FCHO1: variants seen among roughly 807,000 people sequenced by gnomAD.
The protein encoded by FCHO1 is F-BAR domain only protein 1.
In FCHO1, 45 loss-of-function variants were observed where a neutral mutation model predicts 114.4. The observed-to-expected ratio is 0.39, with a 90% CI of 0.31 to 0.50. The LOEUF (loss-of-function observed/expected upper bound fraction) is 0.50, where lower values mean the gene tolerates loss of function less well. Ranked by LOEUF, FCHO1 falls within the 20% of genes least tolerant of loss-of-function variation. The pLI is 0.77. For missense variants in FCHO1, 1,042 were observed against 1,209.6 expected, an observed-to-expected ratio of 0.86 and a Z score of 2.06; for synonymous variants, 480 against 488.9, an observed-to-expected ratio of 0.98 and a Z score of 0.24.
chr19:17,788,256 C>CCCA, intron 28 of FCHO1, 28 bp from the exon 29 acceptor site: 1 of 1,455,294 alleles, frequency 6.9e-7, no homozygotes, highest in Non-Finnish European at 9.6e-7. Flanking sequence ...CCTCCCCACC[C>CCCA]CTCCCCCTCA....
chr19:17,787,762 G>C lies in FCHO1; in HGVS notation c.2563G>C (p.Glu855Gln), dbSNP rs1299207572. The change falls in exon 28 of 29, where the codon GAG (glutamate) becomes CAG (glutamine). Residue 855 changes from glutamate (E) to glutamine (Q), a missense_variant. Transcript: ENST00000596536. ...CCCCGTGGCTGCACAGTTCACCAGC[G>C]AGGGGACCACTCTGTCGGGCGTGGA... ...PSPVAAQFTS[E>Q]GTTLSGVDLE... 1 of 1,609,160 alleles carries C rather than the reference G, an allele frequency of 6.2e-7. No homozygotes were observed. Among genetic ancestry groups the C allele is most frequent in the Non-Finnish European group, 8.5e-7 (1 of 1,178,546 alleles).
chr19:17,756,429 A>G (rs535745138), intron 4 of FCHO1, among the ~76,000 whole-genome samples: 17 of 152,320 alleles, frequency 1.1e-4, no homozygotes, highest in African/African-American at 3.6e-4. Context: ...TAATTGTGTG[A>G]GGCGTGCAGG....
At chr19:17,767,197 C>A (rs10422980) in intron 7 of FCHO1, among the ~76,000 whole-genome samples, 25,206 of 151,752 alleles carry the variant, frequency 0.17, 2,239 homozygotes, top group African/African-American at 0.18. Flanking sequence ...CCTCCTGCCT[C>A]AGCCCCCACA....
At chr19:17,773,677 A>G (rs2092116278) in intron 11 of FCHO1, among the ~76,000 whole-genome samples, 1 of 152,158 alleles carries the variant, frequency 6.6e-6, no homozygotes, top group South Asian at 2.1e-4. Flanking sequence ...AAATGCTGGA[A>G]GTATGTAGAA....
At chr19:17,752,715 A>G (rs1409262447) in intron 1 of FCHO1, among the ~76,000 whole-genome samples, 1 of 147,738 alleles carries the variant, frequency 6.8e-6, no homozygotes, top group Non-Finnish European at 1.5e-5. Context: ...CCTGGGCCAC[A>G]CTAGTGAGAC....
intron 27 of FCHO1, 37 bp downstream of exon 27, chr19:17,786,666 G>GCA: frequency 4.0e-6 from 2 of 496,996 alleles, no homozygotes; most frequent in Non-Finnish European, 8.2e-6. Flanking sequence ...GGGTGGGAGG[G>GCA]ACTGGGGTCA....
intron 24 of FCHO1, 127 bp from the exon 25 acceptor site, chr19:17,783,976 C>A: frequency 2.5e-6 from 3 of 1,184,468 alleles, no homozygotes; most frequent in Non-Finnish European, 2.4e-6. Flanking sequence ...CACAACCACC[C>A]AGGTAGGGCT....
intron 23 of FCHO1, among the ~76,000 whole-genome samples, chr19:17,782,185 G>A (rs2093484082): frequency 2.0e-5 from 3 of 151,808 alleles, no homozygotes; most frequent in South Asian, 4.2e-4. Context: ...AAATTATTGT[G>A]CTTTTTGTTT....
chr19:17,774,956 C>G, intron 13 of FCHO1, 100 bp from the exon 14 acceptor site: 4 of 1,351,588 alleles, frequency 3.0e-6, no homozygotes, highest in Non-Finnish European at 4.2e-6. Flanking sequence ...GTATCACAGT[C>G]TGGGAGCTGC....
intron 7 of FCHO1, among the ~76,000 whole-genome samples, chr19:17,769,605 ACACAC>A (rs1322214966): frequency 6.8e-6 from 1 of 147,464 alleles, no homozygotes; most frequent in Non-Finnish European, 1.5e-5. Flanking sequence ...ACACACACAC[ACACAC>A]ACACACACAC....
upstream of FCHO1, among the ~76,000 whole-genome samples, chr19:17,748,507 T>TGGG (rs71162188): frequency 2.1e-3 from 277 of 134,366 alleles, 1 homozygote; most frequent in Middle Eastern, 0.012. Context: ...AGCCTGGACT[T>TGGG]GGGGGGGGGG....
At position 17,781,734 on chromosome 19, in the gene FCHO1, T is replaced by C. The variant is rs768948010; in HGVS notation, c.1851T>C (p.Pro617=). ...CAGGAGTCTCCCGGGGTCCGAGCCC[T>C]GTGGTCCTGGGCTCCCAGGATGCCC... ...TGHGVSRGPS[P]VVLGSQDALP... Residue 617 remains proline, a synonymous_variant, in exon 23 of 29, where the codon CCT becomes CCC. Coordinates refer to ENST00000596536, the MANE Select transcript of FCHO1 (RefSeq NM_015122.3). 2 of 1,609,142 alleles carry C rather than the reference T, an allele frequency of 1.2e-6. No individual in the cohort carries two copies. Among genetic ancestry groups the C allele is most frequent in the Non-Finnish European group, 1.7e-6 (2 of 1,177,580 alleles).
At chr19:17,785,370 G>A (rs965641088) in intron 26 of FCHO1, among the ~76,000 whole-genome samples, 3 of 152,108 alleles carry the variant, frequency 2.0e-5, no homozygotes, top group African/African-American at 7.2e-5. Context: ...ACAGGTGCCT[G>A]CTACCACACC....
rs763808870 is a variant in FCHO1 at position 17,772,629 on chromosome 19, C to T, written c.694-16C>T. ...AGGGGCCTTGACCAGTTACACACCCCGCCCACCCGGCACAGGTGCATGAGG... is the reference window on the plus strand; with the variant it reads ...AGGGGCCTTGACCAGTTACACACCCTGCCCACCCGGCACAGGTGCATGAGG... On this transcript the variant is annotated splice_polypyrimidine_tract_variant and intron_variant, in intron 10 of 28. Transcript: ENST00000596536. 54 of 1,613,668 alleles carry T rather than the reference C, an allele frequency of 3.3e-5. No homozygotes were observed. In the South Asian group the frequency reaches 3.5e-4, roughly 11 times the overall value.
intron 11 of FCHO1, among the ~76,000 whole-genome samples, chr19:17,773,591 T>C (rs2092098604): frequency 6.6e-6 from 1 of 152,164 alleles, no homozygotes; most frequent in Admixed American, 6.5e-5. Context: ...TTCCCACTCC[T>C]TATCCTGTCA....
intron 7 of FCHO1, among the ~76,000 whole-genome samples, chr19:17,767,142 G>A (rs1441456717): frequency 4.0e-5 from 6 of 150,452 alleles, no homozygotes; most frequent in South Asian, 2.1e-4. Context: ...ATGCAGTGGC[G>A]TGATCAGAGC....
At chr19:17,767,051 C>T (rs1481760752) in intron 7 of FCHO1, among the ~76,000 whole-genome samples, 1 of 150,488 alleles carries the variant, frequency 6.6e-6, no homozygotes, top group Non-Finnish European at 1.5e-5. Context: ...CACCCCCCAC[C>T]AATGTTTGTA....
intron 27 of FCHO1, among the ~76,000 whole-genome samples, chr19:17,786,953 G>A (rs1403153729): frequency 6.6e-6 from 1 of 151,946 alleles, no homozygotes; most frequent in Non-Finnish European, 1.5e-5. Context: ...GCCAGGTGTG[G>A]TGGCTCACGC....
chr19:17,751,887 A>G lies in FCHO1; in HGVS notation c.-183+310A>G, dbSNP rs370751805. 6.6e-5 allele frequency among the ~76,000 whole-genome samples: 10 copies of G among 152,338 alleles called. No individual in the cohort carries two copies. The highest frequency in any genetic ancestry group is 2.4e-4 in the African/African-American group (10 of 41,576). On this transcript the variant is annotated intron_variant, in intron 1 of 28. Transcript: ENST00000596536. The surrounding 1 kb of genome is among the most constrained non-coding windows in gnomAD (Gnocchi z 4.4). ...GCAAAATCACAGTCAGCCGGGACCA[A>G]TGATTGATCTCTCTGTGCCTCGGTT...
Sources: allele counts gnomAD v4.1 joint callset (sites outside exome capture counted in the v4.1 genomes callset), GRCh38; gene constraint gnomAD v4.1.1; non-coding constraint Gnocchi (gnomAD v3.1); transcripts MANE v1.5; gene names NCBI Gene and HGNC (gene_info 2026-07-23, HGNC 2026-07-21).